Variants in THNSL1 observed in about 807,000 individuals in gnomAD.
THNSL1 encodes the protein threonine synthase like 1, also known as threonine synthase-like 1.
In THNSL1, 48 loss-of-function variants were observed where a neutral mutation model predicts 50.4. The ratio of observed to expected loss-of-function variants is 0.95; its 90% confidence interval spans 0.76 to 1.21. The LOEUF (loss-of-function observed/expected upper bound fraction) is 1.21. Among genes scored for constraint, THNSL1 ranks in the 50% most tolerant of loss-of-function variants. THNSL1 has a pLI of 0.00. For missense variants in THNSL1, 896 were observed against 871.7 expected (o/e 1.03, Z -0.35); for synonymous variants, 309 against 306.1 (o/e 1.01, Z -0.10).
upstream of THNSL1, among the ~76,000 whole-genome samples, chr10:25,014,056 A>G (rs960364350): frequency 6.6e-6 from 1 of 152,132 alleles, no homozygotes; most frequent in Non-Finnish European, 1.5e-5. Flanking sequence ...CTTCCCATTG[A>G]CTCTGAGGCT....
the THNSL1 span, chr10:24,999,455 G>T: frequency 6.2e-7 from 1 of 1,613,284 alleles, no homozygotes; most frequent in Non-Finnish European, 8.5e-7. Context: ...TTTGGAGAAG[G>T]TACTTCAACT....
chr10:24,995,964 G>T, the THNSL1 span: 1 of 971,290 alleles, frequency 1.0e-6, no homozygotes, highest in Non-Finnish European at 1.5e-6. Flanking sequence ...CTTGTATATT[G>T]AAGTTGCAGT....
chr10:24,975,451 G>A, the THNSL1 span, among the ~76,000 whole-genome samples: 1 of 152,160 alleles, frequency 6.6e-6, no homozygotes, highest in African/African-American at 2.4e-5. Flanking sequence ...TGTTGATATG[G>A]TTAGGCTTTG....
chr10:24,961,391 T>C, the THNSL1 span, among the ~76,000 whole-genome samples: 879 of 152,342 alleles, frequency 5.8e-3, 6 homozygotes, highest in Middle Eastern at 0.02. Flanking sequence ...TATAAATAAA[T>C]GTGTTTGTAA....
the THNSL1 span, among the ~76,000 whole-genome samples, chr10:24,965,948 G>T: frequency 6.6e-6 from 1 of 152,176 alleles, no homozygotes; most frequent in Non-Finnish European, 1.5e-5. Flanking sequence ...AGGTTGACCT[G>T]ATTCTTTAGT....
chr10:24,999,402 G>T, the THNSL1 span: 6 of 1,603,022 alleles, frequency 3.7e-6, no homozygotes, highest in South Asian at 1.1e-5. Flanking sequence ...AAAACCTACT[G>T]GGTGGTAGAG....
chr10:24,991,314 C>G, the THNSL1 span, among the ~76,000 whole-genome samples: 1 of 151,940 alleles, frequency 6.6e-6, no homozygotes, highest in Non-Finnish European at 1.5e-5. Flanking sequence ...CCTGAAATAT[C>G]TTGAATATTT....
the THNSL1 span, among the ~76,000 whole-genome samples, chr10:24,979,811 C>T: frequency 1.3e-5 from 2 of 152,132 alleles, no homozygotes; most frequent in Non-Finnish European, 2.9e-5. Context: ...TATTCTTGAT[C>T]TCTTCACCAT....
rs957479022 is a variant in THNSL1, at chr10:25,026,197, C to T, written c.*742C>T. On this transcript the variant is annotated 3_prime_UTR_variant, in exon 3 of 3. Transcript: ENST00000376356. ...CCTGGCTAGGGCCAGTGTTTTTAAC[C>T]CTCCTCAAATTCCATTTTGGACTAC... 6.0e-6 allele frequency: 1 copy of T among 166,458 alleles called. No homozygotes were observed. The highest frequency in any genetic ancestry group is 1.5e-5 in the Non-Finnish European group (1 of 68,156). 10.3% of individuals were successfully genotyped at this position (166,458 alleles called of 1,614,324 possible). A position where few individuals can be genotyped will look rare whatever the true frequency, so the allele number is the denominator to read the frequency against.
At chr10:24,988,368 T>G in the THNSL1 span, among the ~76,000 whole-genome samples, 3 of 143,218 alleles carry the variant, frequency 2.1e-5, no homozygotes, top group Non-Finnish European at 3.0e-5. Context: ...GTATATATAT[T>G]TATATATGTA....
the THNSL1 span, chr10:24,995,888 C>T: frequency 6.3e-7 from 1 of 1,578,180 alleles, no homozygotes; most frequent in Non-Finnish European, 8.6e-7. Flanking sequence ...TATAACATTT[C>T]TTTGTTAATA....
chr10:25,001,388 G>T, the THNSL1 span, among the ~76,000 whole-genome samples: 1 of 151,426 alleles, frequency 6.6e-6, no homozygotes, highest in Admixed American at 6.6e-5. Context: ...TCTACTTGGG[G>T]TTAACTGTGA....
chr10:24,954,202 A>G, the THNSL1 span, among the ~76,000 whole-genome samples: 2 of 152,272 alleles, frequency 1.3e-5, no homozygotes, highest in East Asian at 3.9e-4. Flanking sequence ...TGATGATCAA[A>G]CTTTAGAGTT....
At chr10:24,973,641 G>T in the THNSL1 span, among the ~76,000 whole-genome samples, 1 of 152,042 alleles carries the variant, frequency 6.6e-6, no homozygotes, top group Non-Finnish European at 1.5e-5. Flanking sequence ...GAAAAAAATT[G>T]TATCTTAAGT....
the THNSL1 span, chr10:24,952,549 T>C: frequency 1.9e-6 from 3 of 1,591,714 alleles, no homozygotes; most frequent in Non-Finnish European, 1.7e-6. This position sits in a 1 kb window ranked among gnomAD's most constrained non-coding sequence, Gnocchi z 5.1. Flanking sequence ...GCCCGTAGTC[T>C]GGCGCCTCCT....
chr10:24,984,464 C>T, the THNSL1 span: 8 of 1,385,494 alleles, frequency 5.8e-6, no homozygotes, highest in Non-Finnish European at 9.8e-7. Flanking sequence ...GAAACAAGTA[C>T]ATAATAATAA....
rs1231002735 is a variant in THNSL1 at position 25,023,651 on chromosome 10, G to A, written c.428G>A (p.Trp143Ter). 2.5e-6 allele frequency: 4 copies of A among 1,614,074 alleles called. No individual in the cohort carries two copies. The highest frequency in any genetic ancestry group is 3.4e-6 in the Non-Finnish European group (4 of 1,180,022). Residue 143 changes from tryptophan (W) to a stop codon, truncating the protein, a stop_gained, in exon 3 of 3, where the codon TGG (tryptophan) becomes TAG (stop). Coordinates refer to ENST00000376356, the MANE Select transcript of THNSL1 (RefSeq NM_024838.5). LOFTEE classifies it high-confidence loss of function. Reference protein sequence around the residue: ...GSNPMHDASMWHLKKNGIIVY... With the variant: ...GSNPMHDASM ...AATCCAATGCATGATGCTAGCATGTGGCATCTGAAGAAAAATGGAATAATT... is the reference window on the plus strand; with the variant it reads ...AATCCAATGCATGATGCTAGCATGTAGCATCTGAAGAAAAATGGAATAATT...
the THNSL1 span, among the ~76,000 whole-genome samples, chr10:24,975,761 T>C: frequency 6.6e-6 from 1 of 152,226 alleles, no homozygotes; most frequent in Non-Finnish European, 1.5e-5. Flanking sequence ...CTCTTCACTT[T>C]ATAAATTAGC....
At chr10:25,008,510 A>G in the THNSL1 span, among the ~76,000 whole-genome samples, 1 of 152,250 alleles carries the variant, frequency 6.6e-6, no homozygotes, top group Non-Finnish European at 1.5e-5. Flanking sequence ...TGTTAACAGT[A>G]TTGACACTGA....
Sources: allele counts gnomAD v4.1 joint callset (sites outside exome capture counted in the v4.1 genomes callset), GRCh38; gene constraint gnomAD v4.1.1; non-coding constraint Gnocchi (gnomAD v3.1); transcripts MANE v1.5; gene names NCBI Gene and HGNC (gene_info 2026-07-23, HGNC 2026-07-21).